The following CACFD1 variants were observed in gnomAD, a reference collection of about 807,000 sequenced individuals.
CACFD1 encodes calcium channel flower homolog.
In CACFD1, 26 loss-of-function variants were observed where a neutral mutation model predicts 21.3. The observed-to-expected ratio is 1.22, with a 90% CI of 0.89 to 1.69. The LOEUF is 1.69. Among genes scored for constraint, CACFD1 ranks in the 40% most tolerant of loss-of-function variants. The probability of loss-of-function intolerance (pLI) is 0.00; values close to 1 mark genes in which losing one functional copy is unlikely to be tolerated. For missense variants in CACFD1, 265 were observed against 236.2 expected, an observed-to-expected ratio of 1.12 and a Z score of -0.80; for synonymous variants, 121 against 106.6, an observed-to-expected ratio of 1.13 and a Z score of -0.83.
chr9:133,460,167 C>A lies in CACFD1; in HGVS notation c.101C>A (p.Ser34Tyr). The A allele has an allele frequency of 6.4e-7, 1 of 1,555,192 alleles. No homozygotes were observed. Among genetic ancestry groups the A allele is most frequent in the African/African-American group, 1.4e-5 (1 of 72,930 alleles). ...TGGTACCGCTGGCTGTGTCGCCTGTCTGGGGTGCTGGGGGCAGTCTGTGAG... is the reference window on the plus strand; with the variant it reads ...TGGTACCGCTGGCTGTGTCGCCTGTATGGGGTGCTGGGGGCAGTCTGTGAG... ...TWWYRWLCRL[S>Y]GVLGAVSCAI... The change falls in exon 1 of 5, where the codon TCT becomes TAT. Residue 34 changes from serine (S) to tyrosine (Y), a missense_variant. Ser to Tyr is a moderately radical substitution (Grantham distance 144, BLOSUM62 -2). Transcript: ENST00000316948.
chr9:133,466,342 A>G (rs980656100), intron 3 of CACFD1, among the ~76,000 whole-genome samples: 1 of 152,238 alleles, frequency 6.6e-6, no homozygotes, highest in South Asian at 2.1e-4. Flanking sequence ...CTGCCTGCTA[A>G]TCTTCTGATG....
chr9:133,460,238 C>G (rs967974377), intron 1 of CACFD1, 51 bp downstream of exon 1: 3 of 1,457,278 alleles, frequency 2.1e-6, no homozygotes, highest in Non-Finnish European at 2.7e-6. Flanking sequence ...ATGCGCTCCT[C>G]GCCCTGCCCT....
chr9:133,460,317 C>A, intron 1 of CACFD1, 130 bp downstream of exon 1: 1 of 875,606 alleles, frequency 1.1e-6, no homozygotes, highest in Non-Finnish European at 1.6e-6. Flanking sequence ...CGGGCGCCTC[C>A]CGGGGCGGAG....
In CACFD1 at chr9:133,470,654, G is replaced by A. The variant is rs1438453724; in HGVS notation, c.*2001G>A. The A allele has an allele frequency of 6.6e-6, 1 of 152,464 alleles. No homozygotes were observed. Among genetic ancestry groups the A allele is most frequent in the Non-Finnish European group, 1.5e-5 (1 of 68,236 alleles). 9.4% of individuals were successfully genotyped at this position (152,464 alleles called of 1,614,324 possible). On this transcript the variant is annotated 3_prime_UTR_variant, in exon 5 of 5. Transcript: ENST00000316948. ...CCTTGCAAGGAACGTCTCTTCCGGC[G>A]GCTGGGCCGCTCCTGCCTGGTCTGG...
intron 3 of CACFD1, among the ~76,000 whole-genome samples, chr9:133,466,321 C>T (rs917876252): frequency 1.1e-4 from 17 of 152,230 alleles, no homozygotes; most frequent in African/African-American, 3.4e-4. Flanking sequence ...AACAATGTTA[C>T]TCGAAGCCCG....
Position 133,465,344 on chromosome 9 carries a change from C to G in CACFD1, c.217C>G (p.Leu73Val), listed in dbSNP as rs1554799325. ...WMIMNAFILL[L>V]CEAPFCCQFI... Reference sequence around the variant, plus strand: ...CAGCATGAATGCCTTCATCTTGTTGCTGTGTGAGGCGCCCTTCTGCTGCCA... The same window carrying G: ...CAGCATGAATGCCTTCATCTTGTTGGTGTGTGAGGCGCCCTTCTGCTGCCA... Residue 73 changes from leucine (L) to valine (V), a missense_variant, in exon 3 of 5, where the codon CTG becomes GTG. Physicochemically the swap from Leu to Val is conservative, Grantham distance 32. Transcript: ENST00000316948. The surrounding 1 kb of genome is among the most constrained non-coding windows in gnomAD (Gnocchi z 5.0). The G allele has an allele frequency of 1.2e-6, 2 of 1,614,058 alleles. No homozygotes were observed. The highest frequency in any genetic ancestry group is 1.7e-6 in the Non-Finnish European group (2 of 1,179,960).
Position 133,465,076 on chromosome 9 carries a change from A to C in CACFD1, c.195-246A>C. The C allele has an allele frequency of 1.9e-6, 1 of 533,544 alleles. No homozygotes were observed. Among genetic ancestry groups the C allele is most frequent in the Non-Finnish European group, 3.4e-6 (1 of 296,652 alleles). The allele number at this position is 533,544 out of a possible 1,614,324, so 33.1% of individuals were successfully genotyped here. A position where few individuals can be genotyped will look rare whatever the true frequency, so the allele number is the denominator to read the frequency against. On this transcript the variant is annotated intron_variant, in intron 2 of 4. Transcript: ENST00000316948. This position sits in a 1 kb window ranked among gnomAD's most constrained non-coding sequence, Gnocchi z 5.0. The stretch of plus-strand genomic sequence containing the variant: ...AGCAGAAGCCCAGGGGCTTCCCTCT[A>C]GGAGTGTTCAGTTCAGCTGGGGAGA...
chr9:133,468,696 G>GT lies in CACFD1; in HGVS notation c.*44dup. ...CCTCCCTGTCCCCTCTTCTGGCTCT[G>GT]TGTGGGTCCAAGTGAGGCCTGGACT... On this transcript the variant is annotated 3_prime_UTR_variant, in exon 5 of 5. Transcript: ENST00000316948. 1 of 1,532,894 alleles carries GT rather than the reference G, an allele frequency of 6.5e-7. No individual in the cohort carries two copies. Among genetic ancestry groups the GT allele is most frequent in the East Asian group, 2.4e-5 (1 of 41,714 alleles). 95.0% of individuals were successfully genotyped at this position (1,532,894 alleles called of 1,614,324 possible).
chr9:133,464,361 C>T (rs949366122), intron 2 of CACFD1, among the ~76,000 whole-genome samples: 24 of 152,132 alleles, frequency 1.6e-4, no homozygotes, highest in African/African-American at 5.3e-4. Context: ...GACAGAGAGG[C>T]GCCCAGCCCA....
In CACFD1 at chr9:133,468,830, G is replaced by GC; in HGVS notation, c.*177_*178insC. The GC allele has an allele frequency of 8.8e-7, 1 of 1,137,560 alleles. No homozygotes were observed. The highest frequency in any genetic ancestry group is 1.2e-6 in the Non-Finnish European group (1 of 831,280). The allele number at this position is 1,137,560 out of a possible 1,614,324, so 70.5% of individuals were successfully genotyped here. On this transcript the variant is annotated 3_prime_UTR_variant, in exon 5 of 5. Coordinates refer to ENST00000316948, the MANE Select transcript of CACFD1 (RefSeq NM_017586.5). ...TTAAGCCAGGAGCCACTGGCTGCTG[G>GC]TGTGAGGGTCTGGGCTGCTGGACTT...
chr9:133,462,177 G>C (rs1554798673), intron 1 of CACFD1: 10 of 1,304,254 alleles, frequency 7.7e-6, no homozygotes, highest in Non-Finnish European at 1.0e-5. Context: ...TGGAGCTGGA[G>C]GCCAAATGCT....
At chr9:133,467,080 T>C (rs1843468774) in intron 3 of CACFD1, among the ~76,000 whole-genome samples, 1 of 152,210 alleles carries the variant, frequency 6.6e-6, no homozygotes, top group South Asian at 2.1e-4. Context: ...CAGAAAAATC[T>C]CACAACCACA....
intron 1 of CACFD1, chr9:133,462,153 A>T: frequency 7.7e-7 from 1 of 1,304,158 alleles, no homozygotes; most frequent in Non-Finnish European, 1.0e-6. Flanking sequence ...TGGGTTGGAC[A>T]GCTGGGGTAG....
rs2131007610 is a variant in CACFD1, at chr9:133,468,787, T to C, written c.*134T>C. On this transcript the variant is annotated 3_prime_UTR_variant, in exon 5 of 5. Coordinates refer to ENST00000316948, the MANE Select transcript of CACFD1 (RefSeq NM_017586.5). ...TGTCCCTACACCTGGAGTCCTCTGC[T>C]CCTTTCTCCAGACTGGCTTAAGCCA... is the stretch of plus-strand genomic sequence containing the variant. 2.1e-6 allele frequency: 3 copies of C among 1,399,802 alleles called. No homozygotes were observed. The highest frequency in any genetic ancestry group is 9.4e-7 in the Non-Finnish European group (1 of 1,066,988). The allele number at this position is 1,399,802 out of a possible 1,614,324, so 86.7% of individuals were successfully genotyped here. A position where few individuals can be genotyped will look rare whatever the true frequency, so the allele number is the denominator to read the frequency against.
At chr9:133,463,417 A>G (rs910952475) in intron 1 of CACFD1, 66 bp from the exon 2 acceptor site, 25 of 1,610,710 alleles carry the variant, frequency 1.6e-5, no homozygotes, top group Non-Finnish European at 2.1e-5. Context: ...TCATCTCCCA[A>G]GGCCGCCTTC....
rs1843386514 is a variant in CACFD1 at position 133,465,257 on chromosome 9, T to G, written c.195-65T>G. On this transcript the variant is annotated intron_variant, in intron 2 of 4. Transcript: ENST00000316948. The surrounding 1 kb of genome is among the most constrained non-coding windows in gnomAD (Gnocchi z 5.0). The stretch of plus-strand genomic sequence containing the variant: ...GTGGCATTCCTTATGGCACTGGCAC[T>G]GGGGGCCGCCCTCATCCTCCTGGGA... The G allele has an allele frequency of 1.3e-6, 2 of 1,597,318 alleles. No individual in the cohort carries two copies. The highest frequency in any genetic ancestry group is 1.7e-6 in the Non-Finnish European group (2 of 1,168,936).
intron 4 of CACFD1, 159 bp from the exon 5 acceptor site, chr9:133,468,404 G>A: frequency 3.3e-6 from 5 of 1,536,008 alleles, no homozygotes; most frequent in South Asian, 1.2e-5. Context: ...ATTCTCAGAG[G>A]GGACAAGACA....
intron 4 of CACFD1, 104 bp from the exon 5 acceptor site, chr9:133,468,459 C>CT: frequency 1.3e-6 from 2 of 1,537,308 alleles, no homozygotes; most frequent in East Asian, 4.9e-5. Flanking sequence ...ATCAGAATGC[C>CT]TGCAGGTCAC....
Position 133,465,534 on chromosome 9 carries a change from C to A in CACFD1, c.320+87C>A. On this transcript the variant is annotated intron_variant, in intron 3 of 4. Coordinates refer to ENST00000316948, the MANE Select transcript of CACFD1 (RefSeq NM_017586.5). This position sits in a 1 kb window ranked among gnomAD's most constrained non-coding sequence, Gnocchi z 5.0. The stretch of plus-strand genomic sequence containing the variant: ...GACCCAAAAGTCAGGTGAGGGTGGG[C>A]AGTGTATTCAGTTCCTCTCTGTGGA... The A allele has an allele frequency of 7.8e-7, 1 of 1,277,260 alleles. No individual in the cohort carries two copies. Among genetic ancestry groups the A allele is most frequent in the South Asian group, 1.4e-5 (1 of 73,820 alleles). The allele number at this position is 1,277,260 out of a possible 1,614,324, so 79.1% of individuals were successfully genotyped here.
Sources: allele counts gnomAD v4.1 joint callset (sites outside exome capture counted in the v4.1 genomes callset), GRCh38; gene constraint gnomAD v4.1.1; non-coding constraint Gnocchi (gnomAD v3.1); transcripts MANE v1.5; gene names NCBI Gene and HGNC (gene_info 2026-07-23, HGNC 2026-07-21).